PUM1: variants seen among roughly 807,000 people sequenced by gnomAD.
PUM1 encodes pumilio RNA binding family member 1.
PUM1 carries 13 observed loss-of-function variants against 131.8 expected under a neutral mutation model. The observed-to-expected ratio is 0.10, with a 90% CI of 0.06 to 0.16. PUM1 has a LOEUF of 0.16. Ranked by LOEUF, PUM1 falls within the 10% of genes least tolerant of loss-of-function variation. The probability of loss-of-function intolerance (pLI) is 1.00; values close to 1 mark genes in which losing one functional copy is unlikely to be tolerated. For missense variants in PUM1, 961 were observed against 1,512.4 expected, an observed-to-expected ratio of 0.64 and a Z score of 6.05; for synonymous variants, 509 against 556.5, an observed-to-expected ratio of 0.91 and a Z score of 1.20.
chr1:31,028,079 A>T (rs536622179), intron 3 of PUM1, among the ~76,000 whole-genome samples: 6 of 152,310 alleles, frequency 3.9e-5, no homozygotes, highest in Admixed American at 2.0e-4. Flanking sequence ...GCTTATTGTC[A>T]CAGCTACAAT....
chr1:30,933,170 G>A lies in PUM1; in HGVS notation c.*41C>T, dbSNP rs1570059794. ...GCTGGTTGGATTTGCCAGTGGGCCAGTGAGGTCAGCGGGAATGAGGGAACA... is the reference window on the plus strand; with the variant it reads ...GCTGGTTGGATTTGCCAGTGGGCCAATGAGGTCAGCGGGAATGAGGGAACA... On this transcript the variant is annotated 3_prime_UTR_variant, in exon 22 of 22. Transcript: ENST00000426105. The A allele has an allele frequency of 5.1e-6, 8 of 1,579,816 alleles. No homozygotes were observed. In the East Asian group the frequency reaches 1.9e-4, roughly 37 times the overall value.
At chr1:31,017,129 C>T (rs181312191) in intron 3 of PUM1, among the ~76,000 whole-genome samples, 1 of 152,276 alleles carries the variant, frequency 6.6e-6, no homozygotes, top group African/African-American at 2.4e-5. Context: ...GTACTACTTG[C>T]ACACACCCTA....
At chr1:30,985,964 T>C (rs1641540840) in intron 7 of PUM1, among the ~76,000 whole-genome samples, 1 of 152,138 alleles carries the variant, frequency 6.6e-6, no homozygotes, top group African/African-American at 2.4e-5. Flanking sequence ...TCACTGATTT[T>C]TTTTTTTGGA....
At chr1:31,004,020 G>A (rs1366915112) in intron 5 of PUM1, among the ~76,000 whole-genome samples, 2 of 152,100 alleles carry the variant, frequency 1.3e-5, no homozygotes, top group Non-Finnish European at 2.9e-5. Context: ...TACCTCAGCA[G>A]CTCAGTAAAT....
In PUM1 at chr1:30,967,195, G is replaced by A. The variant is rs1640658143; in HGVS notation, c.1761C>T (p.Val587=). 6.2e-7 allele frequency: 1 copy of A among 1,614,122 alleles called. No homozygotes were observed. The highest frequency in any genetic ancestry group is 8.5e-7 in the Non-Finnish European group (1 of 1,180,008). Residue 587 remains valine (V), a synonymous_variant, in exon 12 of 22, where the codon GTC becomes GTT. Transcript: ENST00000426105. The part of the protein sequence containing the change: ...APVRLVAPAP[V]IISSSAAQAA... ...CTTGTGCAGCTGAGGAACTAATGAT[G>A]ACTGGGGCAGGAGCTACAAGTCGAA... is the stretch of plus-strand genomic sequence containing the variant.
chr1:30,955,430 A>C (rs993549468), intron 14 of PUM1, among the ~76,000 whole-genome samples: 2 of 150,294 alleles, frequency 1.3e-5, no homozygotes, highest in African/African-American at 4.9e-5. Context: ...GTGCCACTGC[A>C]CTCCAGCCTG....
At chr1:31,015,800 A>T (rs185606395) in intron 3 of PUM1, among the ~76,000 whole-genome samples, 30 of 150,354 alleles carry the variant, frequency 2.0e-4, no homozygotes, top group Admixed American at 1.9e-3. Context: ...CAGCCTCCGG[A>T]GTAGCTGGGA....
At chr1:30,998,191 T>C (rs1277947490) in intron 5 of PUM1, among the ~76,000 whole-genome samples, 1 of 152,152 alleles carries the variant, frequency 6.6e-6, no homozygotes, top group Admixed American at 6.5e-5. Flanking sequence ...TCTCTGAACA[T>C]AGGTCATATT....
At chr1:30,961,727 G>C (rs1640415960) in intron 14 of PUM1, among the ~76,000 whole-genome samples, 1 of 151,730 alleles carries the variant, frequency 6.6e-6, no homozygotes, top group African/African-American at 2.4e-5. Context: ...AGACAAGATG[G>C]GGAAAAGATC....
At chr1:30,960,352 G>A (rs763279293) in intron 14 of PUM1, among the ~76,000 whole-genome samples, 3 of 152,160 alleles carry the variant, frequency 2.0e-5, no homozygotes, top group Non-Finnish European at 4.4e-5. Flanking sequence ...TTTGGGTTTT[G>A]CAGCATTTCA....
intron 3 of PUM1, among the ~76,000 whole-genome samples, chr1:31,009,598 C>T (rs6689938): frequency 1.3e-5 from 2 of 151,778 alleles, no homozygotes; most frequent in South Asian, 2.1e-4. Context: ...AGATCCCCGT[C>T]TCTACTAAAA....
In PUM1 at chr1:31,058,644, A is replaced by G. The variant is rs1296064522; in HGVS notation, c.363+560T>C. 2.8e-5 allele frequency among the ~76,000 whole-genome samples: 4 copies of G among 143,986 alleles called. No homozygotes were observed. In the East Asian group the frequency reaches 8.2e-4, roughly 30 times the overall value. The allele number at this position is 143,986 out of a possible 152,430, so 94.5% of individuals were successfully genotyped here. A position where few individuals can be genotyped will look rare whatever the true frequency, so the allele number is the denominator to read the frequency against. ...GCCAGTGCACTCCAGCCTGGGCAAA[A>G]GAGTGAGACTCCGTCTTAAAAAAAA... On this transcript the variant is annotated intron_variant, in intron 2 of 21. Transcript: ENST00000426105.
At chr1:31,022,372 G>A (rs1643060994) in intron 3 of PUM1, among the ~76,000 whole-genome samples, 1 of 152,212 alleles carries the variant, frequency 6.6e-6, no homozygotes, top group Admixed American at 6.5e-5. Flanking sequence ...GACAAAGTAA[G>A]CAGCATGTGG....
intron 5 of PUM1, among the ~76,000 whole-genome samples, chr1:30,997,982 C>T (rs1442489752): frequency 1.3e-5 from 2 of 152,192 alleles, no homozygotes; most frequent in Admixed American, 1.3e-4. Flanking sequence ...TGCATTTTAC[C>T]AATATCGTAC....
At chr1:31,056,604 CTTTTCTTTTTTTTTTTTTTTTTTTTTT>C (rs1644244692) in intron 2 of PUM1, among the ~76,000 whole-genome samples, 1 of 79,638 alleles carries the variant, frequency 1.3e-5, no homozygotes, top group Non-Finnish European at 2.8e-5. Flanking sequence ...CCTTCCTTTT[CTTTTCTTTTTTTTTTTTTTTTTTTTTT>C]TTTTTTTTTT....
At chr1:31,048,617 G>A (rs988977018) in intron 2 of PUM1, among the ~76,000 whole-genome samples, 1 of 151,708 alleles carries the variant, frequency 6.6e-6, no homozygotes, top group African/African-American at 2.4e-5. Flanking sequence ...TGGGACTACA[G>A]GCGCGTGCCA....
chr1:31,001,246 G>A lies in PUM1; in HGVS notation c.720+4607C>T, dbSNP rs755075855. Among the ~76,000 whole-genome samples the A allele has an allele frequency of 4.2e-4, 64 of 152,116 alleles. 1 individual carries two copies. The highest frequency in any genetic ancestry group is 2.1e-3 in the Admixed American group (32 of 15,268). ...TGGGTGTGGTGGCACATGCACTCCT[G>A]TAGTCCCAGCTACTGGGGAGGCAGG... is the stretch of plus-strand genomic sequence containing the variant. On this transcript the variant is annotated intron_variant, in intron 5 of 21. Transcript: ENST00000426105.
rs920513234 is a variant in PUM1 at position 31,018,215 on chromosome 1, G to A, written c.432+10581C>T. ...AATACAAAAATTAGCTGGGTGTAGT[G>A]GCACATGCCTGTAATTCCAGCTACT... On this transcript the variant is annotated intron_variant, in intron 3 of 21. Coordinates refer to ENST00000426105, the MANE Select transcript of PUM1 (RefSeq NM_001020658.2). 2.6e-4 allele frequency among the ~76,000 whole-genome samples: 39 copies of A among 152,024 alleles called. 1 individual carries two copies. The highest frequency in any genetic ancestry group is 2.9e-5 in the Non-Finnish European group (2 of 68,008).
intron 20 of PUM1, among the ~76,000 whole-genome samples, chr1:30,940,214 G>A (rs1322087842): frequency 1.3e-5 from 2 of 152,152 alleles, no homozygotes; most frequent in Non-Finnish European, 2.9e-5. Context: ...CTGGTGGCTC[G>A]TGCTGGTAAT....
Sources: allele counts gnomAD v4.1 joint callset (sites outside exome capture counted in the v4.1 genomes callset), GRCh38; gene constraint gnomAD v4.1.1; transcripts MANE v1.5; gene names NCBI Gene and HGNC (gene_info 2026-07-23, HGNC 2026-07-21).